CPVL: variants seen among roughly 807,000 people sequenced by gnomAD.
CPVL encodes probable serine carboxypeptidase CPVL.
Under a neutral mutation model 63.7 loss-of-function variants are expected in CPVL, and 51 were observed. The observed-to-expected ratio is 0.80, with a 90% confidence interval of 0.64 to 1.01. CPVL has a LOEUF of 1.01. CPVL is among the 50% of genes least tolerant of loss of function. CPVL has a pLI of 0.00. For synonymous variants in CPVL, 195 were observed against 206.0 expected (o/e 0.95, Z 0.46); for missense variants, 530 against 573.1 (o/e 0.92, Z 0.77).
chr7:29,046,399 T>TA, intron 11 of CPVL, among the ~76,000 whole-genome samples: 1 of 152,092 alleles, frequency 6.6e-6, no homozygotes. Context: ...AACTTTTACA[T>TA]ACAGCATATT....
chr7:29,194,933 C>T, intron 1 of CPVL: 3 of 1,565,150 alleles, frequency 1.9e-6, no homozygotes, highest in South Asian at 1.2e-5. Flanking sequence ...ACGCGAGGGG[C>T]GCGCGGAGAT....
intron 1 of CPVL, among the ~76,000 whole-genome samples, chr7:29,130,941 T>C (rs1475272911): frequency 6.6e-6 from 1 of 152,184 alleles, no homozygotes; most frequent in Non-Finnish European, 1.5e-5. Context: ...TTTCAGAAAT[T>C]ACTTTTTGGG....
intron 3 of CPVL, among the ~76,000 whole-genome samples, chr7:29,101,010 TATA>T (rs1787061559): frequency 6.6e-6 from 1 of 152,244 alleles, no homozygotes; most frequent in Non-Finnish European, 1.5e-5. Context: ...TGATATGCAG[TATA>T]ATATTAATTA....
chr7:28,997,483 G>A (rs1020468063), intron 12 of CPVL, among the ~76,000 whole-genome samples: 1 of 152,194 alleles, frequency 6.6e-6, no homozygotes, highest in African/African-American at 2.4e-5. Flanking sequence ...TTGACGTGCA[G>A]TAAGTAGGAT....
At chr7:29,091,171 A>T (rs79678621) in intron 6 of CPVL, among the ~76,000 whole-genome samples, 2,178 of 152,354 alleles carry the variant, frequency 0.014, 30 homozygotes, top group Non-Finnish European at 0.024. Context: ...GGTTCCCTTT[A>T]CATGTCAGGA....
chr7:29,064,103 C>T lies in CPVL; in HGVS notation c.1095G>A (p.Gln365=). The change falls in exon 11 of 13, where the codon CAG becomes CAA. Residue 365 remains glutamine (Q), a synonymous_variant. Coordinates refer to ENST00000265394, the MANE Select transcript of CPVL (RefSeq NM_031311.5). ...TTTCAGTTAACCATGGCTTAACTGA[C>T]TGTACTGTATCTTCTCGCAAGTACT... ...VEKYLREDTV[Q]SVKPWLTEIM... 1.2e-6 allele frequency: 2 copies of T among 1,613,142 alleles called. No homozygotes were observed. The highest frequency in any genetic ancestry group is 1.7e-6 in the Non-Finnish European group (2 of 1,179,230).
intron 3 of CPVL, among the ~76,000 whole-genome samples, chr7:29,096,721 C>T (rs919217151): frequency 2.0e-5 from 3 of 152,100 alleles, no homozygotes; most frequent in Admixed American, 6.6e-5. Context: ...CGGTGGCTCA[C>T]GCCTGTAATC....
intron 12 of CPVL, among the ~76,000 whole-genome samples, chr7:29,020,232 CAAATAA>C (rs1333736137): frequency 3.3e-5 from 5 of 152,112 alleles, no homozygotes; most frequent in Non-Finnish European, 5.9e-5. Flanking sequence ...AGGCAGCCAT[CAAATAA>C]TCTTGAGGAG....
chr7:29,195,246 T>G, exon 1 of CPVL: 2 of 420,524 alleles, frequency 4.8e-6, no homozygotes, highest in South Asian at 1.1e-4. Flanking sequence ...TTCCGGGGCT[T>G]GGAGTGCAGC....
intron 1 of CPVL, chr7:29,122,609 CCAG>C (rs1156288225): frequency 6.6e-6 from 1 of 152,034 alleles, no homozygotes; most frequent in Non-Finnish European, 1.5e-5. Context: ...ATCCTTGTCA[CCAG>C]GAAAGTGAGG....
intron 1 of CPVL, among the ~76,000 whole-genome samples, chr7:29,139,118 G>A (rs1791569325): frequency 1.3e-5 from 2 of 152,188 alleles, no homozygotes; most frequent in Admixed American, 6.5e-5. Context: ...CCAGACCGTA[G>A]AGGATGGCTG....
At chr7:29,157,351 C>T (rs1171533208) in intron 5 of CPVL, among the ~76,000 whole-genome samples, 1 of 152,108 alleles carries the variant, frequency 6.6e-6, no homozygotes, top group Non-Finnish European at 1.5e-5. Context: ...CCAGCCCCTG[C>T]TGGTTTAGGG....
chr7:29,056,557 GGACTA>G (rs1790753479), intron 11 of CPVL, among the ~76,000 whole-genome samples: 1 of 152,018 alleles, frequency 6.6e-6, no homozygotes, highest in African/African-American at 2.4e-5. Context: ...TTCATTGTCT[GGACTA>G]GTTTATTCAT....
chr7:29,025,347 T>G (rs1787390512), intron 12 of CPVL, among the ~76,000 whole-genome samples: 1 of 152,150 alleles, frequency 6.6e-6, no homozygotes, highest in African/African-American at 2.4e-5. Flanking sequence ...AGTGGGTGCA[T>G]GTGTTTCACA....
rs1390280672 is a variant in CPVL, at chr7:29,124,114, A to C, written c.-10-3043T>G. Among the ~76,000 whole-genome samples, 5 of 152,174 alleles carry C rather than the reference A, an allele frequency of 3.3e-5. No individual in the cohort carries two copies. In the East Asian group the frequency reaches 9.6e-4, roughly 29 times the overall value. ...ATCTCTCCTTATGAGAATGAAAGCT[A>C]TTATCATAAATGGAGAAGTGGGTTT... On this transcript the variant is annotated intron_variant, in intron 1 of 12. Coordinates refer to ENST00000265394, the MANE Select transcript of CPVL (RefSeq NM_031311.5).
chr7:29,111,204 C>T (rs1788190752), intron 3 of CPVL, among the ~76,000 whole-genome samples: 1 of 152,244 alleles, frequency 6.6e-6, no homozygotes, highest in African/African-American at 2.4e-5. Flanking sequence ...CATTCAATGA[C>T]ATCAATAGAT....
At chr7:29,194,233 T>A (rs972127980) in intron 1 of CPVL, 9 of 134,010 alleles carry the variant, frequency 6.7e-5, no homozygotes, top group Non-Finnish European at 1.4e-4. Flanking sequence ...GGAGCAGCGC[T>A]GCGCGCAGCA....
At chr7:29,060,801 G>C (rs546500434) in intron 11 of CPVL, among the ~76,000 whole-genome samples, 1 of 152,266 alleles carries the variant, frequency 6.6e-6, no homozygotes, top group South Asian at 2.1e-4. Context: ...TAGTTCCTAT[G>C]AATAGAAACA....
intron 10 of CPVL, among the ~76,000 whole-genome samples, chr7:29,064,474 CA>C (rs1562749567): frequency 6.6e-6 from 1 of 152,128 alleles, no homozygotes; most frequent in African/African-American, 2.4e-5. Flanking sequence ...TTTGCAAATA[CA>C]GGATTTTCCT....
Sources: allele counts gnomAD v4.1 joint callset (sites outside exome capture counted in the v4.1 genomes callset), GRCh38; gene constraint gnomAD v4.1.1; transcripts MANE v1.5; gene names NCBI Gene and HGNC (gene_info 2026-07-23, HGNC 2026-07-21).